Variants in ZAP70 observed in about 807,000 individuals in gnomAD.
ZAP70 encodes zeta chain of T cell receptor associated protein kinase 70.
ZAP70 carries 27 observed loss-of-function variants against 65.8 expected under a neutral mutation model. The observed-to-expected ratio is 0.41, with a 90% CI of 0.30 to 0.57. ZAP70 has a LOEUF of 0.57. ZAP70 is among the 20% of genes least tolerant of loss of function. The pLI, the probability that ZAP70 is intolerant of heterozygous loss-of-function variation, is 0.28. For synonymous variants in ZAP70, 363 were observed against 360.8 expected, an observed-to-expected ratio of 1.01 and a Z score of -0.07; for missense variants, 696 against 870.5, an observed-to-expected ratio of 0.80 and a Z score of 2.52.
At chr2:97,752,470 T>C in the ZAP70 span, among the ~76,000 whole-genome samples, 1 of 152,244 alleles carries the variant, frequency 6.6e-6, no homozygotes, top group African/African-American at 2.4e-5. Flanking sequence ...CATTTTCTTT[T>C]TTCAAACCAG....
intron 2 of ZAP70, among the ~76,000 whole-genome samples, chr2:97,723,589 T>C (rs1677243423): frequency 6.6e-6 from 1 of 152,264 alleles, no homozygotes; most frequent in South Asian, 2.1e-4. Flanking sequence ...ATTATTTTTG[T>C]TTCTTTCTCA....
intron 2 of ZAP70, among the ~76,000 whole-genome samples, chr2:97,721,483 A>G (rs1181133416): frequency 6.6e-6 from 1 of 151,426 alleles, no homozygotes; most frequent in Non-Finnish European, 1.5e-5. Context: ...GCGTGACCTC[A>G]GCTCACTGCA....
chr2:97,728,229 A>G (rs1221075096), intron 4 of ZAP70, among the ~76,000 whole-genome samples: 1 of 152,238 alleles, frequency 6.6e-6, no homozygotes, highest in Non-Finnish European at 1.5e-5. Flanking sequence ...TGTGCATTGC[A>G]TATCAAACTG....
At chr2:97,718,114 T>G (rs997128096) in intron 2 of ZAP70, among the ~76,000 whole-genome samples, 3 of 152,132 alleles carry the variant, frequency 2.0e-5, no homozygotes, top group African/African-American at 7.2e-5. Flanking sequence ...CACTGGGGAC[T>G]GAGGGACGCG....
the ZAP70 span, among the ~76,000 whole-genome samples, chr2:97,745,881 T>C: frequency 6.6e-6 from 1 of 152,222 alleles, no homozygotes; most frequent in East Asian, 1.9e-4. Context: ...TCATTCACGA[T>C]AGCCAAAAGG....
chr2:97,724,900 G>T (rs1204751089), intron 3 of ZAP70, 192 bp from the exon 4 acceptor site: 1 of 1,533,272 alleles, frequency 6.5e-7, no homozygotes, highest in Non-Finnish European at 8.7e-7. Context: ...GAAGGTGGGG[G>T]TGGTTCCTCC....
intron 10 of ZAP70, 106 bp downstream of exon 10, chr2:97,735,562 TCCA>T: frequency 7.5e-7 from 1 of 1,332,862 alleles, no homozygotes; most frequent in Non-Finnish European, 1.0e-6. Flanking sequence ...CCGGGGCACT[TCCA>T]CACCATCGTG....
At chr2:97,739,868 G>A (rs201825005), downstream of ZAP70, 5 of 275,354 alleles carry the variant, frequency 1.8e-5, no homozygotes, top group African/African-American at 6.6e-5. Context: ...TTGTCTGAGC[G>A]CCCTCATCTT....
At chr2:97,753,457 T>C in the ZAP70 span, among the ~76,000 whole-genome samples, 276 of 152,368 alleles carry the variant, frequency 1.8e-3, no homozygotes, top group Middle Eastern at 3.4e-3. Flanking sequence ...TCTGCCTGTA[T>C]AAAAGAGACC....
In ZAP70 at chr2:97,725,195, C is replaced by T. The variant is rs1387121068; in HGVS notation, c.506C>T (p.Thr169Met). The T allele has an allele frequency of 5.0e-6, 8 of 1,614,192 alleles. No homozygotes were observed. Among genetic ancestry groups the T allele is most frequent in the South Asian group, 1.1e-5 (1 of 91,090 alleles). ...ERMPWYHSSLTREEAERKLYS... is the reference protein window; with the variant it reads ...ERMPWYHSSLMREEAERKLYS... ...ATGCCCTGGTACCACAGCAGCCTGA[C>T]GCGTGAGGAGGCCGAGCGCAAACTT... Residue 169 changes from threonine (T) to methionine (M), a missense_variant, in exon 4 of 14, where the codon ACG becomes ATG. Around this residue, in one of 3 missense-constraint regions of ZAP70, gnomAD observed 551 missense variants for 630.0 expected, o/e 0.87. Coordinates refer to ENST00000264972, the MANE Select transcript of ZAP70 (RefSeq NM_001079.4).
intron 4 of ZAP70, among the ~76,000 whole-genome samples, chr2:97,732,072 A>T (rs1677632990): frequency 6.6e-6 from 1 of 151,348 alleles, no homozygotes; most frequent in Non-Finnish European, 1.5e-5. Context: ...TTGAGGGGGG[A>T]TGTGTGTACT....
chr2:97,750,616 G>A, the ZAP70 span, among the ~76,000 whole-genome samples: 13 of 152,232 alleles, frequency 8.5e-5, no homozygotes, highest in Non-Finnish European at 1.6e-4. Context: ...CCTCGTAACA[G>A]GTCTGCAAGA....
intron 7 of ZAP70, 69 bp from the exon 8 acceptor site, chr2:97,733,475 G>C: frequency 6.2e-7 from 1 of 1,609,664 alleles, no homozygotes; most frequent in South Asian, 1.1e-5. Context: ...GGAGTCCTCA[G>C]TGGATATAGG....
In ZAP70 at chr2:97,734,025, G is replaced by T. The variant is rs554204596; in HGVS notation, c.889+430G>T. 2.8e-5 allele frequency: 8 copies of T among 289,088 alleles called. No homozygotes were observed. The South Asian group carries it at 3.6e-4, about 13-fold the overall frequency. The allele number at this position is 289,088 out of a possible 1,614,324, so 17.9% of individuals were successfully genotyped here. ...AGAGGCGGGATGTGAACCCACGATG[G>T]GCCCCAGAGCTCACATTCCTAAAAT... On this transcript the variant is annotated intron_variant, in intron 8 of 13. Transcript: ENST00000264972.
At position 97,735,441 on chromosome 2, in the gene ZAP70, T is replaced by G. The variant is rs764958623; in HGVS notation, c.1274T>G (p.Phe425Cys). 9.3e-5 allele frequency: 149 copies of G among 1,606,778 alleles called. No individual in the cohort carries two copies. The highest frequency in any genetic ancestry group is 1.1e-4 in the Non-Finnish European group (132 of 1,176,310). ...EMAGGGPLHK[F>C]LVGKREEIPV... is the part of the protein sequence containing the mutation. Reference sequence around the variant, plus strand: ...GCTGGGGGCGGGCCGCTGCACAAGTTCCTGGTCGGCAAGAGGTGAGCACCG... The same window carrying G: ...GCTGGGGGCGGGCCGCTGCACAAGTGCCTGGTCGGCAAGAGGTGAGCACCG... Residue 425 changes from phenylalanine (F) to cysteine (C), a missense_variant, in exon 10 of 14, where the codon TTC becomes TGC. Coordinates refer to ENST00000264972, the MANE Select transcript of ZAP70 (RefSeq NM_001079.4).
chr2:97,724,900 G>A lies in ZAP70; in HGVS notation c.403-192G>A, dbSNP rs1204751089. On this transcript the variant is annotated intron_variant, in intron 3 of 13. Coordinates refer to ENST00000264972, the MANE Select transcript of ZAP70 (RefSeq NM_001079.4). ...CTTGGGGCCGCGCTGGAAGGTGGGG[G>A]TGGTTCCTCCCTAGCTGGATTGGGG... 3.9e-6 allele frequency: 6 copies of A among 1,533,390 alleles called. 1 individual carries two copies. The highest frequency in any genetic ancestry group is 2.6e-6 in the Non-Finnish European group (3 of 1,145,752). The allele number at this position is 1,533,390 out of a possible 1,614,324, so 95.0% of individuals were successfully genotyped here. A position where few individuals can be genotyped will look rare whatever the true frequency, so the allele number is the denominator to read the frequency against.
Position 97,731,466 on chromosome 2 carries a change from C to G in ZAP70, c.564-1417C>G, listed in dbSNP as rs1677604537. The stretch of plus-strand genomic sequence containing the variant: ...TTTGTGGTGGGTTCTCTTCCTTGCC[C>G]TTTTGTGTGCCCTCATTGCCCCCGC... On this transcript the variant is annotated intron_variant, in intron 4 of 13. Coordinates refer to ENST00000264972, the MANE Select transcript of ZAP70 (RefSeq NM_001079.4). This position sits in a 1 kb window ranked among gnomAD's most constrained non-coding sequence, Gnocchi z 4.0. 6.6e-6 allele frequency among the ~76,000 whole-genome samples: 1 copy of G among 152,158 alleles called. No homozygotes were observed. Among genetic ancestry groups the G allele is most frequent in the Non-Finnish European group, 1.5e-5 (1 of 68,034 alleles).
At chr2:97,717,069 G>A (rs949259299) in intron 2 of ZAP70, among the ~76,000 whole-genome samples, 19 of 152,226 alleles carry the variant, frequency 1.2e-4, no homozygotes, top group South Asian at 4.1e-4. Context: ...GGCTCATGGC[G>A]TCACCAAGCT....
intron 2 of ZAP70, among the ~76,000 whole-genome samples, chr2:97,716,750 G>A (rs891932516): frequency 6.6e-6 from 1 of 152,066 alleles, no homozygotes; most frequent in Non-Finnish European, 1.5e-5. Flanking sequence ...GAAGGGCCTT[G>A]GGGGCCACCC....
Sources: gnomAD v4.1 joint callset for allele counts (sites outside exome capture counted in the v4.1 genomes callset) on GRCh38, gnomAD v4.1.1 for gene constraint, gnomAD v4.1.1 regional missense constraint, Gnocchi (gnomAD v3.1) non-coding constraint, MANE v1.5 for transcripts, NCBI Gene and HGNC (gene_info 2026-07-23, HGNC 2026-07-21) for gene names.